The following PDZD2 variants were observed in gnomAD, a reference collection of about 807,000 sequenced individuals.
PDZD2 encodes PDZ domain containing 2.
In PDZD2, 90 loss-of-function variants were observed where a neutral mutation model predicts 220.7. The observed-to-expected ratio is 0.41, with a 90% CI of 0.34 to 0.49. PDZD2 has a LOEUF of 0.49. PDZD2 is among the 20% of genes least tolerant of loss of function. The pLI, the probability that PDZD2 is intolerant of heterozygous loss-of-function variation, is 0.28. For synonymous variants in PDZD2, 1,375 were observed against 1,450.5 expected (o/e 0.95, Z 1.18); for missense variants, 3,174 against 3,608.5 (o/e 0.88, Z 3.08).
intron 1 of PDZD2, among the ~76,000 whole-genome samples, chr5:31,786,794 C>T (rs1260876540): frequency 1.3e-5 from 2 of 152,150 alleles, no homozygotes; most frequent in African/African-American, 2.4e-5. Context: ...TAGCTAGTGG[C>T]AGAGTGTATT....
chr5:31,903,184 C>T (rs902974364), intron 2 of PDZD2, among the ~76,000 whole-genome samples: 4 of 151,722 alleles, frequency 2.6e-5, no homozygotes, highest in African/African-American at 9.7e-5. Context: ...ATCCCGTCTA[C>T]TTGGGAGGCT....
In PDZD2 at chr5:32,089,406, G is replaced by A; in HGVS notation, c.5958G>A (p.Leu1986=). The part of the protein sequence containing the change: ...DTSIRTFVSP[L]TSPKPVPEQG... ...GCATCAGGACATTTGTCTCGCCCCT[G>A]ACCTCTCCCAAGCCTGTTCCTGAGC... Residue 1986 remains leucine (L), a synonymous_variant, in exon 20 of 25, where the codon CTG becomes CTA. Coordinates refer to ENST00000438447, the MANE Select transcript of PDZD2 (RefSeq NM_178140.4). 1 of 1,614,000 alleles carries A rather than the reference G, an allele frequency of 6.2e-7. No individual in the cohort carries two copies.
At position 32,109,548 on chromosome 5, in the gene PDZD2, G is replaced by C. The variant is rs967939905; in HGVS notation, c.*1413G>C. On this transcript the variant is annotated 3_prime_UTR_variant, in exon 25 of 25. Transcript: ENST00000438447. ...AGGTAAATAATTCCAAACTCTCATC[G>C]GGTCATAAAGAGGAGGAGAAACAGG... is the stretch of plus-strand genomic sequence containing the variant. The C allele has an allele frequency of 6.6e-6, 1 of 152,058 alleles. No individual in the cohort carries two copies. Among genetic ancestry groups the C allele is most frequent in the Non-Finnish European group, 1.5e-5 (1 of 68,032 alleles). The allele number at this position is 152,058 out of a possible 1,614,324, so 9.4% of individuals were successfully genotyped here.
chr5:31,897,292 C>A (rs1223412028), intron 2 of PDZD2, among the ~76,000 whole-genome samples: 1 of 152,128 alleles, frequency 6.6e-6, no homozygotes, highest in Admixed American at 6.5e-5. Flanking sequence ...CCTCGAGTAT[C>A]TCTTACCACA....
At position 31,727,726 on chromosome 5, in the gene PDZD2, G is replaced by C. The variant is rs1357553955; in HGVS notation, c.-360-71163G>C. Among the ~76,000 whole-genome samples, 10 of 63,458 alleles carry C rather than the reference G, an allele frequency of 1.6e-4. 1 individual carries two copies. Among genetic ancestry groups the C allele is most frequent in the Admixed American group, 5.5e-4 (3 of 5,406 alleles). The allele number at this position is 63,458 out of a possible 152,430, so 41.6% of individuals were successfully genotyped here. A position where few individuals can be genotyped will look rare whatever the true frequency, so the allele number is the denominator to read the frequency against. ...CAAAAAAAAAAAAAAAAGAAAGGCC[G>C]GGCGCGGTGGCTTCACCTGTAAACC... On this transcript the variant is annotated intron_variant, in intron 1 of 24. Transcript: ENST00000438447.
intron 4 of PDZD2, among the ~76,000 whole-genome samples, chr5:31,999,635 T>C (rs1014005422): frequency 6.6e-6 from 1 of 152,074 alleles, no homozygotes; most frequent in Non-Finnish European, 1.5e-5. Flanking sequence ...TAGTGTAGTG[T>C]GAATCACAGG....
At chr5:31,798,079 G>A (rs760463487) in intron 1 of PDZD2, among the ~76,000 whole-genome samples, 12 of 152,166 alleles carry the variant, frequency 7.9e-5, no homozygotes, top group Non-Finnish European at 1.6e-4. Context: ...TTCAGAGGGA[G>A]TGTGAGGCTT....
chr5:31,734,574 C>T (rs1460855083), intron 1 of PDZD2, among the ~76,000 whole-genome samples: 1 of 152,178 alleles, frequency 6.6e-6, no homozygotes, highest in African/African-American at 2.4e-5. Context: ...CCACCTCAGC[C>T]TCCCAAAGTG....
chr5:32,059,374 T>C lies in PDZD2; in HGVS notation c.2318+18T>C, dbSNP rs750982621. On this transcript the variant is annotated intron_variant, in intron 13 of 24. Coordinates refer to ENST00000438447, the MANE Select transcript of PDZD2 (RefSeq NM_178140.4). ...AACCTGAGGTTTGTTGTTTGCCTGA[T>C]AGTGTAAGGTTCTGGAGTGTTCATA... 4 of 1,257,352 alleles carry C rather than the reference T, an allele frequency of 3.2e-6. No homozygotes were observed. Among genetic ancestry groups the C allele is most frequent in the African/African-American group, 2.9e-5 (2 of 68,160 alleles). 77.9% of individuals were successfully genotyped at this position (1,257,352 alleles called of 1,614,324 possible). A position where few individuals can be genotyped will look rare whatever the true frequency, so the allele number is the denominator to read the frequency against.
chr5:31,670,728 G>A (rs186490703), intron 1 of PDZD2, among the ~76,000 whole-genome samples: 8 of 152,160 alleles, frequency 5.3e-5, no homozygotes, highest in African/African-American at 9.6e-5. Context: ...GCCAGTTTGC[G>A]TTTCTTTTAA....
chr5:31,778,870 A>G (rs1752880444), intron 1 of PDZD2, among the ~76,000 whole-genome samples: 1 of 152,188 alleles, frequency 6.6e-6, no homozygotes, highest in Admixed American at 6.5e-5. Context: ...CCACTCATAG[A>G]TCTCCTTTCC....
At position 31,990,822 on chromosome 5, in the gene PDZD2, G is replaced by A. The variant is rs144188595; in HGVS notation, c.979-4754G>A. On this transcript the variant is annotated intron_variant, in intron 3 of 24. Transcript: ENST00000438447. ...AAATCACAGTGTCAGAAGCTGATGA[G>A]TCAATGAAATAAAACAGGGTGAAGT... 9.7e-4 allele frequency among the ~76,000 whole-genome samples: 147 copies of A among 152,306 alleles called. 1 individual carries two copies. The East Asian group carries it at 0.027, about 28-fold the overall frequency.
intron 2 of PDZD2, among the ~76,000 whole-genome samples, chr5:31,833,635 C>CAA (rs75394129): frequency 0.74 from 93,267 of 125,888 alleles, 33,598 homozygotes; most frequent in Non-Finnish European, 0.75. Flanking sequence ...GACCCTGTCT[C>CAA]AAAAAAAAAA....
chr5:32,052,843 C>A, intron 9 of PDZD2, 113 bp downstream of exon 9: 1 of 1,128,078 alleles, frequency 8.9e-7, no homozygotes, highest in Non-Finnish European at 1.3e-6. Context: ...CAGGTTCTTG[C>A]TCTGTTGCCC....
intron 1 of PDZD2, among the ~76,000 whole-genome samples, chr5:31,727,677 G>T (rs1749241077): frequency 7.7e-6 from 1 of 130,320 alleles, no homozygotes; most frequent in Non-Finnish European, 1.6e-5. Flanking sequence ...TCCAACCTGG[G>T]CAACAAGTAG....
rs548136781 is a variant in PDZD2 at position 32,061,350 on chromosome 5, T to G, written c.2451+216T>G. 1.3e-3 allele frequency among the ~76,000 whole-genome samples: 197 copies of G among 152,304 alleles called. 1 individual carries two copies. Among genetic ancestry groups the G allele is most frequent in the African/African-American group, 4.6e-3 (190 of 41,562 alleles). ...AATGTTATCTGGTAAATTTGAAACT[T>G]GTCTGGTGGGAGGTAAGAATGCTGT... is the stretch of plus-strand genomic sequence containing the variant. On this transcript the variant is annotated intron_variant, in intron 14 of 24. Coordinates refer to ENST00000438447, the MANE Select transcript of PDZD2 (RefSeq NM_178140.4).
chr5:32,094,897 C>G (rs139893719), intron 21 of PDZD2, among the ~76,000 whole-genome samples: 119 of 152,130 alleles, frequency 7.8e-4, no homozygotes, highest in Admixed American at 1.5e-3. Context: ...AACAAAATGT[C>G]TTGAGATGCT....
At chr5:31,777,786 T>G (rs1029759236) in intron 1 of PDZD2, among the ~76,000 whole-genome samples, 7 of 150,718 alleles carry the variant, frequency 4.6e-5, no homozygotes, top group Non-Finnish European at 8.9e-5. Flanking sequence ...TAGCTTGGGG[T>G]TGGTGGATGC....
At chr5:32,007,072 C>T (rs868213535) in intron 5 of PDZD2, among the ~76,000 whole-genome samples, 2 of 151,956 alleles carry the variant, frequency 1.3e-5, no homozygotes, top group African/African-American at 2.4e-5. Flanking sequence ...CCCGCCACCA[C>T]GCCCGGCTAA....
Sources: gnomAD v4.1 joint callset for allele counts (sites outside exome capture counted in the v4.1 genomes callset) on GRCh38, gnomAD v4.1.1 for gene constraint, MANE v1.5 for transcripts, NCBI Gene and HGNC (gene_info 2026-07-23, HGNC 2026-07-21) for gene names.